The following MIPEP variants were observed in gnomAD, a reference collection of about 807,000 sequenced individuals.
MIPEP encodes the protein mitochondrial intermediate peptidase.
In MIPEP, 79 loss-of-function variants were observed where a neutral mutation model predicts 90.3. The observed-to-expected ratio is 0.87, with a 90% CI of 0.73 to 1.05. The LOEUF (loss-of-function observed/expected upper bound fraction) is 1.05. Ranked by LOEUF, MIPEP falls within the 50% of genes least tolerant of loss-of-function variation. The pLI, the probability that MIPEP is intolerant of heterozygous loss-of-function variation, is 0.00. For synonymous variants in MIPEP, 334 were observed against 315.8 expected, an observed-to-expected ratio of 1.06 and a Z score of -0.61; for missense variants, 940 against 905.6, an observed-to-expected ratio of 1.04 and a Z score of -0.49.
At chr13:23,855,284 T>TATA (rs539406455) in intron 10 of MIPEP, among the ~76,000 whole-genome samples, 141 of 152,336 alleles carry the variant, frequency 9.3e-4, no homozygotes, top group African/African-American at 3.3e-3. Flanking sequence ...GACAGTCACT[T>TATA]ATACTACTAC....
intron 14 of MIPEP, among the ~76,000 whole-genome samples, chr13:23,821,674 C>A (rs1953306672): frequency 6.6e-6 from 1 of 152,136 alleles, no homozygotes; most frequent in Non-Finnish European, 1.5e-5. Context: ...GGTTCCAGGA[C>A]CTTCCTCCAA....
chr13:23,805,352 T>C (rs2137399695), intron 16 of MIPEP, among the ~76,000 whole-genome samples: 1 of 152,290 alleles, frequency 6.6e-6, no homozygotes, highest in South Asian at 2.1e-4. Flanking sequence ...AGACAGGACA[T>C]ATAATGTGTC....
intron 16 of MIPEP, among the ~76,000 whole-genome samples, chr13:23,792,113 C>T (rs1405957208): frequency 6.6e-6 from 1 of 152,132 alleles, no homozygotes; most frequent in Non-Finnish European, 1.5e-5. Context: ...ACTGTCCCCG[C>T]CTCTAAATGT....
At chr13:23,883,146 A>C (rs1361097150) in intron 2 of MIPEP, among the ~76,000 whole-genome samples, 2 of 152,192 alleles carry the variant, frequency 1.3e-5, no homozygotes, top group African/African-American at 4.8e-5. Context: ...GGCAGGTAAT[A>C]TCTTAAAAAT....
chr13:23,748,942 A>T (rs1471946057), intron 18 of MIPEP, among the ~76,000 whole-genome samples: 1 of 152,226 alleles, frequency 6.6e-6, no homozygotes, highest in East Asian at 1.9e-4. Flanking sequence ...CTAAAAAATA[A>T]ATTTAGGAAT....
chr13:23,819,843 T>C (rs915621124), intron 14 of MIPEP, among the ~76,000 whole-genome samples: 2 of 152,070 alleles, frequency 1.3e-5, no homozygotes, highest in Non-Finnish European at 2.9e-5. Context: ...ACCCCATCTC[T>C]ACTAGAAATA....
intron 16 of MIPEP, among the ~76,000 whole-genome samples, chr13:23,764,013 G>A (rs906848658): frequency 3.3e-5 from 5 of 152,106 alleles, no homozygotes; most frequent in Admixed American, 1.3e-4. Context: ...CATCTTAAGC[G>A]CTGGAATTAT....
intron 7 of MIPEP, among the ~76,000 whole-genome samples, chr13:23,864,766 G>A (rs1054830396): frequency 6.7e-6 from 1 of 149,066 alleles, no homozygotes; most frequent in Non-Finnish European, 1.5e-5. Flanking sequence ...TTAATGGGAG[G>A]CTAAAGAAAA....
chr13:23,799,323 T>TTTTTTG (rs1035421708), intron 16 of MIPEP, among the ~76,000 whole-genome samples: 1 of 142,164 alleles, frequency 7.0e-6, no homozygotes, highest in Non-Finnish European at 1.5e-5. Context: ...TTAGAGTAAT[T>TTTTTTG]TTTTTGTTTT....
chr13:23,807,809 T>C (rs1234486150), intron 15 of MIPEP, among the ~76,000 whole-genome samples: 1 of 152,222 alleles, frequency 6.6e-6, no homozygotes, highest in Non-Finnish European at 1.5e-5. Context: ...AGAGTTTCAT[T>C]TCTTCAATTA....
chr13:23,751,263 T>C (rs6490824), intron 18 of MIPEP, among the ~76,000 whole-genome samples: 8,540 of 152,308 alleles, frequency 0.056, 792 homozygotes, highest in African/African-American at 0.19. Flanking sequence ...TATAGGATAA[T>C]ATGGCAAAAG....
Position 23,869,893 on chromosome 13 carries a change from A to T in MIPEP, c.786+120T>A, listed in dbSNP as rs1182431039. The stretch of plus-strand genomic sequence containing the variant: ...TAATAATTCCACAAGTTAAATTTTT[A>T]GGGCTTAGTAATGCTAAAAAGTTTT... On this transcript the variant is annotated intron_variant, in intron 6 of 18. Coordinates refer to ENST00000382172, the MANE Select transcript of MIPEP (RefSeq NM_005932.4). 14 of 626,138 alleles carry T rather than the reference A, an allele frequency of 2.2e-5. No individual in the cohort carries two copies. The Admixed American group carries it at 4.7e-4, about 21-fold the overall frequency. The allele number at this position is 626,138 out of a possible 1,614,324, so 38.8% of individuals were successfully genotyped here.
rs943028783 is a variant in MIPEP at position 23,751,172 on chromosome 13, G to C, written c.2044+5373C>G. On this transcript the variant is annotated intron_variant, in intron 18 of 18. Coordinates refer to ENST00000382172, the MANE Select transcript of MIPEP (RefSeq NM_005932.4). Reference sequence around the variant, plus strand: ...TTTGCATTAATCTTCTTGGAGCATGGAGGTGATTCTTTGGAGTATAAACCA... The same window carrying C: ...TTTGCATTAATCTTCTTGGAGCATGCAGGTGATTCTTTGGAGTATAAACCA... 2.6e-5 allele frequency among the ~76,000 whole-genome samples: 4 copies of C among 152,172 alleles called. No individual in the cohort carries two copies. The South Asian group carries it at 8.3e-4, about 31-fold the overall frequency.
intron 6 of MIPEP, among the ~76,000 whole-genome samples, chr13:23,869,786 T>TTAA (rs2137516798): frequency 6.6e-6 from 1 of 152,332 alleles, no homozygotes. Context: ...AATGGTGTTA[T>TTAA]TAATCATACT....
At chr13:23,841,088 C>CAT (rs888287094) in intron 11 of MIPEP, among the ~76,000 whole-genome samples, 4 of 152,248 alleles carry the variant, frequency 2.6e-5, no homozygotes, top group Non-Finnish European at 4.4e-5. Flanking sequence ...TATGAAGGTG[C>CAT]ATATATATTC....
intron 10 of MIPEP, among the ~76,000 whole-genome samples, chr13:23,856,024 T>G (rs1870032136): frequency 6.6e-6 from 1 of 152,222 alleles, no homozygotes; most frequent in Admixed American, 6.5e-5. Flanking sequence ...AGATACAAGT[T>G]TGAATAGGGG....
intron 14 of MIPEP, among the ~76,000 whole-genome samples, chr13:23,834,239 A>G (rs1280423590): frequency 1.3e-5 from 2 of 152,070 alleles, no homozygotes; most frequent in Admixed American, 1.3e-4. Flanking sequence ...CACCAGCGTG[A>G]TTTTCTTGAA....
intron 16 of MIPEP, among the ~76,000 whole-genome samples, chr13:23,767,409 T>C (rs1952602267): frequency 1.3e-5 from 2 of 152,186 alleles, no homozygotes; most frequent in African/African-American, 4.8e-5. Flanking sequence ...TATAAAGATA[T>C]ACCTTGTGTC....
rs566373324 is a variant in MIPEP at position 23,738,044 on chromosome 13, A to G, written c.2045-7599T>C. On this transcript the variant is annotated intron_variant, in intron 18 of 18. Transcript: ENST00000382172. ...AAATTTAATGAAACTCAAAGAATGA[A>G]TGAATGAAGAAACTATTAATTGAAT... Among the ~76,000 whole-genome samples the G allele has an allele frequency of 2.2e-4, 34 of 152,370 alleles. No homozygotes were observed. In the East Asian group the frequency reaches 5.2e-3, roughly 23 times the overall value.
Sources: allele counts gnomAD v4.1 joint callset (sites outside exome capture counted in the v4.1 genomes callset), GRCh38; gene constraint gnomAD v4.1.1; transcripts MANE v1.5; gene names NCBI Gene and HGNC (gene_info 2026-07-23, HGNC 2026-07-21).